The following NRXN1 variants were observed in gnomAD, a reference collection of about 807,000 sequenced individuals.
NRXN1 encodes neurexin 1.
Under a neutral mutation model 150.9 loss-of-function variants are expected in NRXN1, and 39 were observed. The ratio of observed to expected loss-of-function variants is 0.26; its 90% CI spans 0.20 to 0.34. The LOEUF (loss-of-function observed/expected upper bound fraction) is 0.34, where lower values mean the gene tolerates loss of function less well. Ranked by LOEUF, NRXN1 falls within the 10% of genes least tolerant of loss-of-function variation. The probability of loss-of-function intolerance (pLI) is 1.00; values close to 1 mark genes in which losing one functional copy is unlikely to be tolerated. For synonymous variants in NRXN1, 924 were observed against 757.0 expected (o/e 1.22, Z -3.62); for missense variants, 1,815 against 1,949.9 (o/e 0.93, Z 1.30).
intron 15 of NRXN1, among the ~76,000 whole-genome samples, chr2:50,495,571 G>C (rs1222505266): frequency 6.6e-6 from 1 of 152,100 alleles, no homozygotes; most frequent in Non-Finnish European, 1.5e-5. Flanking sequence ...CTGGTTCCCT[G>C]ACTCCAAATC....
intron 5 of NRXN1, among the ~76,000 whole-genome samples, chr2:50,692,533 T>C (rs1460983902): frequency 2.0e-5 from 3 of 152,164 alleles, no homozygotes; most frequent in Non-Finnish European, 2.9e-5. Context: ...CTAATCAGAG[T>C]GTGAAAGCCA....
intron 2 of NRXN1, among the ~76,000 whole-genome samples, chr2:51,014,784 C>A (rs1032059087): frequency 1.3e-5 from 2 of 151,946 alleles, no homozygotes; most frequent in African/African-American, 4.8e-5. Context: ...AAAAAAGTCA[C>A]CTACTTTTTA....
intron 10 of NRXN1, among the ~76,000 whole-genome samples, chr2:50,537,434 C>G (rs1038284823): frequency 6.6e-6 from 1 of 152,162 alleles, no homozygotes; most frequent in African/African-American, 2.4e-5. Context: ...ATTTGTTCTG[C>G]TATTTATTCC....
chr2:50,585,157 C>T (rs1488314524), intron 8 of NRXN1, among the ~76,000 whole-genome samples: 2 of 152,082 alleles, frequency 1.3e-5, no homozygotes, highest in African/African-American at 4.8e-5. Flanking sequence ...ATTCGGTGTT[C>T]GGTGTGCTTA....
chr2:50,655,177 G>A (rs1686237853), intron 5 of NRXN1, among the ~76,000 whole-genome samples: 1 of 151,266 alleles, frequency 6.6e-6, no homozygotes, highest in Non-Finnish European at 1.5e-5. Context: ...CTTGTGAAAA[G>A]TAGCAAGCAT....
intron 19 of NRXN1, among the ~76,000 whole-genome samples, chr2:50,067,256 C>T (rs1573711778): frequency 6.6e-6 from 1 of 152,294 alleles, no homozygotes; most frequent in Non-Finnish European, 1.5e-5. Context: ...CCTTCACATC[C>T]CTCTCTTATG....
rs77204704 is a variant in NRXN1, at chr2:50,436,457, GAAA to G, written c.3364+28982_3364+28984del. On this transcript the variant is annotated intron_variant, in intron 17 of 22. Coordinates refer to ENST00000401669, the MANE Select transcript of NRXN1 (RefSeq NM_001330078.2). ...AACAAGAGTGAAACTCCGTCTCAAG[GAAA>G]AAAAAAAAAAATACAAAGAAGTGTT... Among the ~76,000 whole-genome samples the G allele has an allele frequency of 3.0e-3, 416 of 139,024 alleles. 2 individuals carry two copies. Among genetic ancestry groups the G allele is most frequent in the Middle Eastern group, 7.9e-3 (2 of 254 alleles). 91.2% of individuals were successfully genotyped at this position (139,024 alleles called of 152,430 possible). A position where few individuals can be genotyped will look rare whatever the true frequency, so the allele number is the denominator to read the frequency against.
intron 17 of NRXN1, among the ~76,000 whole-genome samples, chr2:50,311,609 C>A (rs1209057402): frequency 1.3e-5 from 2 of 151,982 alleles, no homozygotes; most frequent in South Asian, 2.1e-4. Flanking sequence ...TCAAAAGGAC[C>A]CTAGAATTAT....
chr2:50,683,646 A>AAAAATATATATATATATAT, intron 5 of NRXN1, among the ~76,000 whole-genome samples: 1 of 14,904 alleles, frequency 6.7e-5, no homozygotes, highest in Admixed American at 1.1e-3. Context: ...AAAAAAAAAA[A>AAAAATATATATATATATAT]ATATATATAT....
chr2:50,498,178 A>T (rs140195635), intron 13 of NRXN1, among the ~76,000 whole-genome samples: 1,684 of 152,226 alleles, frequency 0.011, 15 homozygotes, highest in Non-Finnish European at 0.016. Flanking sequence ...CCAGGAAAAA[A>T]AAATGTGACT....
chr2:50,121,479 C>T (rs914796307), intron 18 of NRXN1, among the ~76,000 whole-genome samples: 2 of 152,172 alleles, frequency 1.3e-5, no homozygotes, highest in Non-Finnish European at 2.9e-5. Context: ...CCACATCTGC[C>T]AGAGGATGTA....
At chr2:50,755,610 C>T (rs1701076658) in intron 5 of NRXN1, among the ~76,000 whole-genome samples, 1 of 151,756 alleles carries the variant, frequency 6.6e-6, no homozygotes, top group Admixed American at 6.6e-5. Flanking sequence ...AAATGTTAGG[C>T]TTTAAACCAC....
At chr2:49,938,175 A>C (rs1671373027) in intron 22 of NRXN1, among the ~76,000 whole-genome samples, 1 of 152,198 alleles carries the variant, frequency 6.6e-6, no homozygotes, top group Non-Finnish European at 1.5e-5. Flanking sequence ...TGTTCCAAGA[A>C]ACTATAAGCC....
At chr2:50,774,275 T>C (rs1341401683) in intron 5 of NRXN1, among the ~76,000 whole-genome samples, 2 of 152,120 alleles carry the variant, frequency 1.3e-5, no homozygotes, top group Non-Finnish European at 2.9e-5. Context: ...CCAAACTTAC[T>C]AAAAAGCCCC....
In NRXN1 at chr2:50,969,896, T is replaced by C. The variant is rs372717712; in HGVS notation, c.773-43941A>G. On this transcript the variant is annotated intron_variant, in intron 2 of 22. Transcript: ENST00000401669. Reference sequence around the variant, plus strand: ...TGAAGACCCAAAGATAAAGAGGAAATTGTCCACTTTTATGCTTATGTTCAA... The same window carrying C: ...TGAAGACCCAAAGATAAAGAGGAAACTGTCCACTTTTATGCTTATGTTCAA... Among the ~76,000 whole-genome samples the C allele has an allele frequency of 5.3e-5, 8 of 152,250 alleles. No individual in the cohort carries two copies. The South Asian group carries it at 8.3e-4, about 16-fold the overall frequency.
intron 5 of NRXN1, among the ~76,000 whole-genome samples, chr2:50,890,677 T>C (rs1392455894): frequency 6.6e-6 from 1 of 151,826 alleles, no homozygotes; most frequent in African/African-American, 2.4e-5. Flanking sequence ...AATAGTATCT[T>C]CAGGGAAAAT....
At chr2:50,005,462 G>A (rs547454642) in intron 21 of NRXN1, among the ~76,000 whole-genome samples, 27 of 152,116 alleles carry the variant, frequency 1.8e-4, no homozygotes, top group African/African-American at 6.3e-4. Context: ...GCCAATAATA[G>A]CATTACCAAC....
intron 17 of NRXN1, among the ~76,000 whole-genome samples, chr2:50,433,313 C>A (rs1240871693): frequency 1.3e-5 from 2 of 152,194 alleles, no homozygotes; most frequent in Non-Finnish European, 2.9e-5. Flanking sequence ...TTCTGATTCA[C>A]ATGTCAATAA....
intron 5 of NRXN1, among the ~76,000 whole-genome samples, chr2:50,644,408 C>A (rs1171179433): frequency 1.3e-5 from 2 of 151,658 alleles, no homozygotes; most frequent in Non-Finnish European, 2.9e-5. Context: ...ATATTTATGA[C>A]AATAAATGAT....
Sources: allele counts gnomAD v4.1 joint callset (sites outside exome capture counted in the v4.1 genomes callset), GRCh38; gene constraint gnomAD v4.1.1; transcripts MANE v1.5; gene names NCBI Gene and HGNC (gene_info 2026-07-23, HGNC 2026-07-21).